PPP1R1C: variants seen among roughly 807,000 people sequenced by gnomAD.
PPP1R1C encodes protein phosphatase 1 regulatory inhibitor subunit 1C.
A neutral mutation model predicts 17.4 loss-of-function variants in PPP1R1C; 15 were observed. That is an observed-to-expected ratio of 0.86 (90% CI 0.58 to 1.33). The LOEUF is 1.33. Ranked by LOEUF, PPP1R1C falls within the 40% of genes most tolerant of loss-of-function variation. The probability of loss-of-function intolerance (pLI) is 0.00; values close to 1 mark genes in which losing one functional copy is unlikely to be tolerated. For missense variants in PPP1R1C, 143 were observed against 130.0 expected (o/e 1.10, Z -0.48); for synonymous variants, 35 against 43.1 (o/e 0.81, Z 0.73).
At chr2:182,082,486 G>A (rs1434687605) in intron 4 of PPP1R1C, among the ~76,000 whole-genome samples, 1 of 152,114 alleles carries the variant, frequency 6.6e-6, no homozygotes, top group African/African-American at 2.4e-5. Flanking sequence ...GGTTTTCTGA[G>A]TTTCTGCTTG....
At chr2:181,965,848 T>G (rs1179023890) in intron 1 of PPP1R1C, among the ~76,000 whole-genome samples, 1 of 152,186 alleles carries the variant, frequency 6.6e-6, no homozygotes, top group African/African-American at 2.4e-5. Context: ...AGAATGTCAT[T>G]GGTATTTGGA....
chr2:182,129,519 G>A (rs886579149), exon 6 of PPP1R1C: 1 of 152,008 alleles, frequency 6.6e-6, no homozygotes, highest in Non-Finnish European at 1.5e-5. Context: ...AAATAAAAAG[G>A]CTATTTTATT....
chr2:182,078,796 T>C (rs1688389432), intron 4 of PPP1R1C, among the ~76,000 whole-genome samples: 1 of 152,214 alleles, frequency 6.6e-6, no homozygotes, highest in South Asian at 2.1e-4. Flanking sequence ...AAGTAATATA[T>C]GTATAGTGCC....
rs918282170 is a variant in PPP1R1C at position 181,957,158 on chromosome 2, G to A, written n.111+2524G>A. 2.0e-5 allele frequency among the ~76,000 whole-genome samples: 3 copies of A among 152,118 alleles called. No homozygotes were observed. Among genetic ancestry groups the A allele is most frequent in the African/African-American group, 2.4e-5 (1 of 41,420 alleles). ...GCGGATTATCTGAGGTCAGGAGTTC[G>A]AGAACAGCCTGGCCAAAATGATGAA... On this transcript the variant is annotated intron_variant and non_coding_transcript_variant, in intron 1 of 5. Coordinates refer to the PPP1R1C transcript ENST00000464264. The surrounding 1 kb of genome is among the most constrained non-coding windows in gnomAD (Gnocchi z 4.2).
At chr2:181,994,039 C>G (rs1394379284) in intron 2 of PPP1R1C, among the ~76,000 whole-genome samples, 2 of 151,876 alleles carry the variant, frequency 1.3e-5, no homozygotes, top group Non-Finnish European at 2.9e-5. Context: ...ATCTATAGTA[C>G]CCCCTAATTC....
downstream of PPP1R1C, among the ~76,000 whole-genome samples, chr2:182,120,467 A>C (rs1004591918): frequency 6.6e-6 from 1 of 152,216 alleles, no homozygotes; most frequent in African/African-American, 2.4e-5. Flanking sequence ...AAAAATGATA[A>C]AGGGGATATC....
At chr2:182,101,487 G>A (rs1311004418) in intron 4 of PPP1R1C, among the ~76,000 whole-genome samples, 2 of 152,150 alleles carry the variant, frequency 1.3e-5, no homozygotes, top group Admixed American at 6.5e-5. Context: ...TCAGGTCATG[G>A]TTGGGTAGAT....
In PPP1R1C at chr2:182,003,405, A is replaced by AT. The variant is rs545100212; in HGVS notation, c.142+15514dup. On this transcript the variant is annotated intron_variant, in intron 2 of 4. Transcript: ENST00000682840. ...ATTTCTACCTTAAACCTTTGATAGA[A>AT]TTTTTTTTCTACTTAGAATGCCTTC... Among the ~76,000 whole-genome samples the AT allele has an allele frequency of 4.7e-3, 715 of 152,038 alleles. 11 individuals carry two copies. Among genetic ancestry groups the AT allele is most frequent in the Middle Eastern group, 0.01 (3 of 294 alleles).
At chr2:182,009,187 T>A (rs1686016181) in intron 2 of PPP1R1C, among the ~76,000 whole-genome samples, 1 of 152,110 alleles carries the variant, frequency 6.6e-6, no homozygotes, top group Admixed American at 6.5e-5. Context: ...TATTTTTAGT[T>A]TTTTTCAGGA....
Position 181,961,408 on chromosome 2 carries a change from T to G in PPP1R1C, n.111+6774T>G, listed in dbSNP as rs1684792241. 1.4e-6 allele frequency: 1 copy of G among 733,290 alleles called. No individual in the cohort carries two copies. The allele number at this position is 733,290 out of a possible 1,614,324, so 45.4% of individuals were successfully genotyped here. ...CAGAGCCTCGTACTCCCCGATCTGG[T>G]GCTGTCCCTCTGCCCGGCTCTGTGC... On this transcript the variant is annotated intron_variant and non_coding_transcript_variant, in intron 1 of 5. Transcript: ENST00000464264. This position sits in a 1 kb window ranked among gnomAD's most constrained non-coding sequence, Gnocchi z 5.8.
chr2:182,045,642 CTTTAT>C (rs1687320746), intron 2 of PPP1R1C, among the ~76,000 whole-genome samples: 1 of 151,980 alleles, frequency 6.6e-6, no homozygotes, highest in South Asian at 2.1e-4. Context: ...GAGAATGTTG[CTTTAT>C]TTTATGTTAT....
Position 182,035,978 on chromosome 2 carries a change from A to G in PPP1R1C, c.143-25464A>G, listed in dbSNP as rs1366225992. ...TATGTATGCTATACTCCCTCATTTC[A>G]TTGTGTGTTTATACACACACACACA... On this transcript the variant is annotated intron_variant, in intron 2 of 4. Coordinates refer to ENST00000682840, the MANE Select transcript of PPP1R1C (RefSeq NM_001080545.3). 4.0e-5 allele frequency among the ~76,000 whole-genome samples: 6 copies of G among 150,814 alleles called. 1 individual carries two copies. The highest frequency in any genetic ancestry group is 8.8e-5 in the Non-Finnish European group (6 of 67,940).
intron 4 of PPP1R1C, among the ~76,000 whole-genome samples, chr2:182,065,991 A>G (rs1003734408): frequency 6.6e-6 from 1 of 152,128 alleles, no homozygotes; most frequent in African/African-American, 2.4e-5. Context: ...CCATCATTCA[A>G]AATGAATCTA....
At chr2:182,021,659 C>A (rs1659428855) in intron 2 of PPP1R1C, among the ~76,000 whole-genome samples, 1 of 152,056 alleles carries the variant, frequency 6.6e-6, no homozygotes, top group South Asian at 2.1e-4. Flanking sequence ...ATTTTAGATT[C>A]CTTAATATAA....
At chr2:181,997,970 A>G (rs1342656649) in intron 2 of PPP1R1C, among the ~76,000 whole-genome samples, 1 of 152,210 alleles carries the variant, frequency 6.6e-6, no homozygotes, top group African/African-American at 2.4e-5. Context: ...ACTCCATTCT[A>G]TAGGTTGAAC....
intron 4 of PPP1R1C, among the ~76,000 whole-genome samples, chr2:182,088,752 C>T (rs547708049): frequency 6.6e-6 from 1 of 152,286 alleles, no homozygotes; most frequent in Non-Finnish European, 1.5e-5. Context: ...ATGTGTTCTT[C>T]CCTTAGTCCT....
intron 2 of PPP1R1C, among the ~76,000 whole-genome samples, chr2:182,016,943 T>C (rs1686279243): frequency 2.0e-5 from 3 of 152,192 alleles, no homozygotes; most frequent in African/African-American, 4.8e-5. Flanking sequence ...AAATTTCCAA[T>C]TACAGGAGTA....
intron 2 of PPP1R1C, among the ~76,000 whole-genome samples, chr2:182,031,900 T>C (rs1686852966): frequency 6.6e-6 from 1 of 152,212 alleles, no homozygotes; most frequent in Admixed American, 6.5e-5. Context: ...ATAAAGAAAT[T>C]GTACCATATC....
chr2:182,090,999 C>A (rs1019711098), intron 4 of PPP1R1C, among the ~76,000 whole-genome samples: 1 of 152,108 alleles, frequency 6.6e-6, no homozygotes, highest in Admixed American at 6.6e-5. Context: ...AAACTGTTAA[C>A]CAAGACCAGG....
Sources: allele counts gnomAD v4.1 joint callset (sites outside exome capture counted in the v4.1 genomes callset), GRCh38; gene constraint gnomAD v4.1.1; non-coding constraint Gnocchi (gnomAD v3.1); transcripts MANE v1.5; gene names NCBI Gene and HGNC (gene_info 2026-07-23, HGNC 2026-07-21).